PABIR3: variants seen among roughly 807,000 people sequenced by gnomAD.
PABIR3 encodes the protein PABIR family member 1.
A neutral mutation model predicts 23.1 loss-of-function variants in PABIR3; 20 were observed. The ratio of observed to expected loss-of-function variants is 0.86; its 90% CI spans 0.61 to 1.26. PABIR3 has a LOEUF of 1.26. Ranked by LOEUF, PABIR3 falls within the 50% of genes most tolerant of loss-of-function variation. The probability of loss-of-function intolerance (pLI) is 0.00; values close to 1 mark genes in which losing one functional copy is unlikely to be tolerated. For missense variants in PABIR3, 189 were observed against 195.4 expected (o/e 0.97, Z 0.20); for synonymous variants, 69 against 68.5 (o/e 1.01, Z -0.04).
chrX:134,846,112 C>A (rs937355848), intron 6 of PABIR3, among the ~76,000 whole-genome samples: 1 of 111,708 alleles, frequency 9.0e-6, no homozygotes, highest in African/African-American at 3.3e-5. Flanking sequence ...GCAGAAGGCA[C>A]CTCTTCACAG....
chrX:134,836,545 C>G (rs1408384159), intron 4 of PABIR3, among the ~76,000 whole-genome samples: 1 of 112,240 alleles, frequency 8.9e-6, no homozygotes, highest in African/African-American at 3.2e-5. Flanking sequence ...GGCCTCTGCC[C>G]TTGGCTTGTT....
chrX:134,822,565 T>C, intron 3 of PABIR3: 1 of 753,198 alleles, frequency 1.3e-6, no homozygotes, highest in Non-Finnish European at 1.6e-6. Flanking sequence ...AGTTTTTCAG[T>C]GGGAAATCCT....
At chrX:134,847,207 T>A (rs759164537) in intron 6 of PABIR3, among the ~76,000 whole-genome samples, 176 bp from the exon 7 acceptor site, 1 of 112,303 alleles carries the variant, frequency 8.9e-6, no homozygotes, top group Non-Finnish European at 1.9e-5. Context: ...AGGGTGCCTT[T>A]GCTTATTGAA....
chrX:134,862,154 T>TG, the PABIR3 span, among the ~76,000 whole-genome samples: 2 of 94,874 alleles, frequency 2.1e-5, no homozygotes, highest in Non-Finnish European at 4.2e-5. Context: ...TTTTTTTTTT[T>TG]TTTTTTTTTT....
At chrX:134,830,941 AAATG>A (rs2081752850) in intron 4 of PABIR3, among the ~76,000 whole-genome samples, 2 of 112,075 alleles carry the variant, frequency 1.8e-5, no homozygotes, top group South Asian at 3.7e-4. Flanking sequence ...TATAAGTAGA[AAATG>A]AATGAGATGG....
chrX:134,813,054 A>G (rs2080763403), intron 2 of PABIR3, among the ~76,000 whole-genome samples: 1 of 111,844 alleles, frequency 8.9e-6, no homozygotes, highest in Non-Finnish European at 1.9e-5. Flanking sequence ...CTTAATACCA[A>G]AGGGTCATTT....
At chrX:134,829,421 C>CAAA (rs779973197) in intron 4 of PABIR3, 139 bp downstream of exon 4, 11 of 397,247 alleles carry the variant, frequency 2.8e-5, no homozygotes, top group African/African-American at 2.5e-4. Context: ...ATGATTTCTT[C>CAAA]AAAAAAAAAA....
intron 1 of PABIR3, 39 bp from the exon 2 acceptor site, chrX:134,807,501 C>T: frequency 3.4e-6 from 4 of 1,164,706 alleles, no homozygotes; most frequent in Middle Eastern, 2.4e-4. Context: ...CTCTTTTTCC[C>T]CTTTGCCTCT....
At chrX:134,821,752 C>T in intron 3 of PABIR3, 1 of 928,889 alleles carries the variant, frequency 1.1e-6, no homozygotes, top group African/African-American at 2.0e-5. Flanking sequence ...CACATCTAGC[C>T]CATGTTCAGT....
At position 134,847,985 on chromosome X, in the gene PABIR3, AT is replaced by A; in HGVS notation, c.527+15del. Reference sequence around the variant, plus strand: ...ACAATACATCATGTAAGTTTATGTTATATGAAAATACCAAATTGCTTATAAA... The same window carrying A: ...ACAATACATCATGTAAGTTTATGTTAATGAAAATACCAAATTGCTTATAAA... On this transcript the variant is annotated intron_variant, in intron 8 of 10. Transcript: ENST00000645433. 1 of 1,098,633 alleles carries A rather than the reference AT, an allele frequency of 9.1e-7. No homozygotes were observed. The highest frequency in any genetic ancestry group is 1.2e-6 in the Non-Finnish European group (1 of 822,120). The allele number at this position is 1,098,633 out of a possible 1,213,427, so 90.5% of individuals were successfully genotyped here. A position where few individuals can be genotyped will look rare whatever the true frequency, so the allele number is the denominator to read the frequency against.
downstream of PABIR3, chrX:134,854,934 C>G (rs1048733433): frequency 1.8e-5 from 2 of 111,797 alleles, no homozygotes; most frequent in Non-Finnish European, 3.8e-5. Context: ...AAGTTGTAGT[C>G]TTTTACATTT....
At chrX:134,835,991 C>G (rs761309313) in intron 4 of PABIR3, among the ~76,000 whole-genome samples, 29 of 111,856 alleles carry the variant, frequency 2.6e-4, no homozygotes, top group Non-Finnish European at 5.3e-4. Flanking sequence ...GCACCCACCA[C>G]CACACCTGGC....
At chrX:134,843,827 A>G (rs2082339511) in intron 4 of PABIR3, among the ~76,000 whole-genome samples, 1 of 109,595 alleles carries the variant, frequency 9.1e-6, no homozygotes, top group South Asian at 3.9e-4. Context: ...TCGGCCGCCC[A>G]AAGTGCTGGG....
upstream of PABIR3, among the ~76,000 whole-genome samples, chrX:134,804,495 C>T (rs965795653): frequency 1.9e-4 from 21 of 111,559 alleles, no homozygotes; most frequent in African/African-American, 6.5e-4. Context: ...ATTACCATCT[C>T]ATATATTTAG....
At chrX:134,830,614 T>G (rs1459927111) in intron 4 of PABIR3, among the ~76,000 whole-genome samples, 2 of 110,648 alleles carry the variant, frequency 1.8e-5, no homozygotes, top group Non-Finnish European at 3.8e-5. Context: ...ATTACAGGCG[T>G]GAGCCACCGT....
At chrX:134,821,391 C>T (rs1321409981) in intron 3 of PABIR3, 1 of 1,155,108 alleles carries the variant, frequency 8.7e-7, no homozygotes, top group Non-Finnish European at 1.1e-6. Flanking sequence ...TGAGACTATG[C>T]CTTCTCCCAA....
At position 134,798,330 on chromosome X, in the gene PABIR3, G is replaced by A. The variant is rs141771791; in HGVS notation, c.-98+1466G>A. Among the ~76,000 whole-genome samples, 465 of 112,267 alleles carry A rather than the reference G, an allele frequency of 4.1e-3. 4 individuals carry two copies. Among genetic ancestry groups the A allele is most frequent in the African/African-American group, 0.014 (440 of 30,875 alleles). On this transcript the variant is annotated intron_variant, in intron 1 of 4. Coordinates refer to the PABIR3 transcript ENST00000414371. ...ATATGTTGCAAGGATGCAATGGGCAGCACTGCAGAGGAGCTGTCTGCAAAG... is the reference window on the plus strand; with the variant it reads ...ATATGTTGCAAGGATGCAATGGGCAACACTGCAGAGGAGCTGTCTGCAAAG...
intron 2 of PABIR3, 119 bp downstream of exon 2, chrX:134,807,827 TC>T: frequency 1.3e-6 from 1 of 777,771 alleles, no homozygotes; most frequent in Non-Finnish European, 1.8e-6. Context: ...ACTCCCTTGT[TC>T]CTGGTGTCCG....
chrX:134,848,796 G>A (rs1014339831), intron 8 of PABIR3, among the ~76,000 whole-genome samples: 3 of 111,760 alleles, frequency 2.7e-5, no homozygotes, highest in Non-Finnish European at 5.6e-5. Context: ...AAGGTCAGGA[G>A]TTCGAGACCA....
Sources: gnomAD v4.1 joint callset for allele counts (sites outside exome capture counted in the v4.1 genomes callset) on GRCh38, gnomAD v4.1.1 for gene constraint, MANE v1.5 for transcripts, NCBI Gene and HGNC (gene_info 2026-07-23, HGNC 2026-07-21) for gene names.